RAPGEF2: variants seen among roughly 807,000 people sequenced by gnomAD.
RAPGEF2 encodes PDZ domain containing guanine nucleotide exchange factor (GEF) 1.
Under a neutral mutation model 186.7 loss-of-function variants are expected in RAPGEF2, and 54 were observed. The observed-to-expected ratio is 0.29, with a 90% CI of 0.23 to 0.36. RAPGEF2 has a LOEUF of 0.36. Ranked by LOEUF, RAPGEF2 falls within the 10% of genes least tolerant of loss-of-function variation. RAPGEF2 has a pLI of 1.00. For missense variants in RAPGEF2, 1,532 were observed against 2,045.0 expected (o/e 0.75, Z 4.84); for synonymous variants, 712 against 705.9 (o/e 1.01, Z -0.14).
At chr4:159,222,248 G>T (rs1285705670) in intron 4 of RAPGEF2, among the ~76,000 whole-genome samples, 1 of 152,174 alleles carries the variant, frequency 6.6e-6, no homozygotes, top group African/African-American at 2.4e-5. Flanking sequence ...TCGCAGATGT[G>T]CTGTACATAT....
At position 159,358,552 on chromosome 4, in the gene RAPGEF2, A is replaced by T. The variant is rs1406543254; in HGVS notation, c.*413A>T. 1 of 171,514 alleles carries T rather than the reference A, an allele frequency of 5.8e-6. No homozygotes were observed. The highest frequency in any genetic ancestry group is 2.4e-5 in the African/African-American group (1 of 42,306). The allele number at this position is 171,514 out of a possible 1,614,324, so 10.6% of individuals were successfully genotyped here. A position where few individuals can be genotyped will look rare whatever the true frequency, so the allele number is the denominator to read the frequency against. On this transcript the variant is annotated 3_prime_UTR_variant, in exon 30 of 30. Coordinates refer to ENST00000691494, the MANE Select transcript of RAPGEF2 (RefSeq NM_001394067.2). ...AGTCCTAGCACTTGATCTCATTGGG[A>T]TAATGAGAAAAGCTAGCCATTGAAC... is the stretch of plus-strand genomic sequence containing the variant.
intron 11 of RAPGEF2, among the ~76,000 whole-genome samples, chr4:159,326,265 G>T (rs1207113158): frequency 1.3e-5 from 2 of 152,170 alleles, no homozygotes; most frequent in African/African-American, 4.8e-5. Context: ...TCATCTCCTT[G>T]TTGGGAGAAG....
chr4:159,161,810 C>G (rs1053878279), intron 1 of RAPGEF2, among the ~76,000 whole-genome samples: 7 of 152,150 alleles, frequency 4.6e-5, no homozygotes, highest in African/African-American at 1.7e-4. Context: ...AAATTTGATT[C>G]CTTGTGTGAT....
At chr4:159,342,059 A>G in intron 20 of RAPGEF2, 112 bp downstream of exon 20, 1 of 1,036,974 alleles carries the variant, frequency 9.6e-7, no homozygotes, top group Non-Finnish European at 1.4e-6. Context: ...TAATTGACTC[A>G]TAAGAGACAA....
chr4:159,172,868 C>T (rs1040834939), intron 1 of RAPGEF2, among the ~76,000 whole-genome samples: 2 of 151,174 alleles, frequency 1.3e-5, no homozygotes, highest in Non-Finnish European at 2.9e-5. Context: ...CAGTAATACC[C>T]AGCATTTTCT....
intron 7 of RAPGEF2, among the ~76,000 whole-genome samples, chr4:159,299,268 T>C (rs1034405105): frequency 3.3e-4 from 50 of 152,166 alleles, no homozygotes; most frequent in African/African-American, 1.2e-3. Flanking sequence ...TGCATTCTGT[T>C]ATAACTGTTA....
intron 1 of RAPGEF2, among the ~76,000 whole-genome samples, chr4:159,131,063 C>T (rs2111129579): frequency 6.7e-6 from 1 of 149,122 alleles, no homozygotes; most frequent in South Asian, 2.1e-4. Flanking sequence ...GAAAATAATA[C>T]AGAGTTTCGC....
intron 1 of RAPGEF2, among the ~76,000 whole-genome samples, chr4:159,148,640 G>A (rs922150428): frequency 6.6e-6 from 1 of 151,608 alleles, no homozygotes; most frequent in Non-Finnish European, 1.5e-5. Context: ...TTTTTTTCAT[G>A]GCTTTCTTGG....
At chr4:159,234,422 AC>A (rs368871393) in intron 4 of RAPGEF2, among the ~76,000 whole-genome samples, 2 of 152,056 alleles carry the variant, frequency 1.3e-5, no homozygotes, top group African/African-American at 4.8e-5. Context: ...TTGCTCTGTC[AC>A]CCAGGCTGGA....
chr4:159,134,752 T>A (rs943453478), intron 1 of RAPGEF2, among the ~76,000 whole-genome samples: 14 of 152,234 alleles, frequency 9.2e-5, no homozygotes, highest in Admixed American at 2.6e-4. Flanking sequence ...TTCACCCATT[T>A]AAAGTATATA....
intron 28 of RAPGEF2, among the ~76,000 whole-genome samples, chr4:159,354,310 G>C (rs1349770004): frequency 2.0e-5 from 3 of 152,142 alleles, no homozygotes; most frequent in Admixed American, 1.3e-4. Context: ...GATTGTCATT[G>C]TGAATATTAT....
At chr4:159,198,902 A>G (rs536931847) in intron 3 of RAPGEF2, among the ~76,000 whole-genome samples, 1 of 151,776 alleles carries the variant, frequency 6.6e-6, no homozygotes, top group African/African-American at 2.4e-5. Flanking sequence ...CAACATGGCG[A>G]AACCCCATCT....
chr4:159,243,749 G>T, intron 6 of RAPGEF2, 25 bp from the exon 7 acceptor site: 2 of 1,268,884 alleles, frequency 1.6e-6, no homozygotes, highest in Non-Finnish European at 1.0e-6. Context: ...CTCCTTTATG[G>T]CACTCATTTC....
At chr4:159,148,503 A>T (rs1024695822) in intron 1 of RAPGEF2, among the ~76,000 whole-genome samples, 1 of 152,160 alleles carries the variant, frequency 6.6e-6, no homozygotes, top group Non-Finnish European at 1.5e-5. Context: ...GTTTCCAATA[A>T]TTTTTCCTGA....
At chr4:159,285,972 T>C (rs1442124775) in intron 7 of RAPGEF2, among the ~76,000 whole-genome samples, 1 of 152,114 alleles carries the variant, frequency 6.6e-6, no homozygotes, top group Non-Finnish European at 1.5e-5. Flanking sequence ...TTGATGTGGA[T>C]GTTGTCACAG....
intron 11 of RAPGEF2, among the ~76,000 whole-genome samples, chr4:159,323,905 G>A (rs1455229972): frequency 6.8e-6 from 1 of 146,002 alleles, no homozygotes; most frequent in African/African-American, 2.5e-5. Flanking sequence ...TTTTTGGAGG[G>A]CTTTTTTTTT....
chr4:159,233,897 A>G (rs1752932880), intron 4 of RAPGEF2, among the ~76,000 whole-genome samples: 1 of 152,138 alleles, frequency 6.6e-6, no homozygotes, highest in Non-Finnish European at 1.5e-5. Context: ...TGAGTACCAC[A>G]CTATTTTGAT....
At chr4:159,291,022 G>A (rs948151728) in intron 7 of RAPGEF2, among the ~76,000 whole-genome samples, 2 of 152,148 alleles carry the variant, frequency 1.3e-5, no homozygotes, top group African/African-American at 4.8e-5. Context: ...TGTCACAGAA[G>A]TAAAAGGAAA....
chr4:159,274,658 C>T (rs1224920759), intron 7 of RAPGEF2, among the ~76,000 whole-genome samples: 1 of 152,066 alleles, frequency 6.6e-6, no homozygotes, highest in Non-Finnish European at 1.5e-5. Flanking sequence ...ATGACACATG[C>T]TTGTGATATT....
Sources: allele counts gnomAD v4.1 joint callset (sites outside exome capture counted in the v4.1 genomes callset), GRCh38; gene constraint gnomAD v4.1.1; transcripts MANE v1.5; gene names NCBI Gene and HGNC (gene_info 2026-07-23, HGNC 2026-07-21).